DTD2: variants seen among roughly 807,000 people sequenced by gnomAD.
DTD2 encodes the protein D-tyrosyl-tRNA deacylase 2 (putative).
Under a neutral mutation model 15.5 loss-of-function variants are expected in DTD2, and 12 were observed. That is an observed-to-expected ratio of 0.77 (90% CI 0.50 to 1.25). The LOEUF (loss-of-function observed/expected upper bound fraction) is 1.25. Among genes scored for constraint, DTD2 ranks in the 50% most tolerant of loss-of-function variants. The pLI, the probability that DTD2 is intolerant of heterozygous loss-of-function variation, is 0.00. For missense variants in DTD2, 170 were observed against 201.1 expected, an observed-to-expected ratio of 0.85 and a Z score of 0.93; for synonymous variants, 59 against 77.3, an observed-to-expected ratio of 0.76 and a Z score of 1.24.
chr14:31,451,427 C>T (rs1219981157), intron 2 of DTD2, among the ~76,000 whole-genome samples: 1 of 150,678 alleles, frequency 6.6e-6, no homozygotes, highest in African/African-American at 2.4e-5. Flanking sequence ...GGATTACAGG[C>T]GTGAGCCACC....
At chr14:31,457,165 C>A (rs1349629799) in intron 1 of DTD2, 118 bp downstream of exon 1, 1 of 969,968 alleles carries the variant, frequency 1.0e-6, no homozygotes, top group Non-Finnish European at 1.5e-6. Context: ...GACCCGGTAT[C>A]CCCGCGGCCG....
At chr14:31,456,043 A>C (rs2032091536) in intron 1 of DTD2, among the ~76,000 whole-genome samples, 2 of 152,232 alleles carry the variant, frequency 1.3e-5, no homozygotes, top group Admixed American at 6.5e-5. Flanking sequence ...AGCACAGGGC[A>C]ACAGATTCTG....
chr14:31,451,684 C>A (rs1052224501), intron 2 of DTD2, among the ~76,000 whole-genome samples: 3 of 152,172 alleles, frequency 2.0e-5, no homozygotes, highest in Non-Finnish European at 4.4e-5. Context: ...TTTGTCTAAG[C>A]TCTTCCTCAT....
intron 2 of DTD2, 45 bp downstream of exon 2, chr14:31,453,230 G>A (rs757204483): frequency 5.1e-6 from 8 of 1,576,074 alleles, no homozygotes; most frequent in African/African-American, 4.0e-5. Flanking sequence ...TGAGCACCAT[G>A]CTTGGCCTCT....
At chr14:31,456,819 T>C (rs2032099303) in intron 1 of DTD2, among the ~76,000 whole-genome samples, 1 of 152,200 alleles carries the variant, frequency 6.6e-6, no homozygotes, top group Admixed American at 6.5e-5. Flanking sequence ...CTTCTTGAAA[T>C]AGAATTGTTT....
Position 31,448,137 on chromosome 14 carries a change from CAATT to C in DTD2, c.495_498del (p.Ile166SerfsTer19), listed in dbSNP as rs770047694. 5.6e-6 allele frequency: 9 copies of C among 1,602,422 alleles called. No homozygotes were observed. In the East Asian group the frequency reaches 8.9e-5, roughly 16 times the overall value. ...AAACTAGTTTTTCATTTTCAAAACT[CAATT>C]AAGTGTGTGAATGGTCCGTTGGTGT... On this transcript the variant is annotated frameshift_variant, in exon 3 of 3. Coordinates refer to ENST00000310850, the MANE Select transcript of DTD2 (RefSeq NM_080664.3). LOFTEE classifies it high-confidence loss of function.
intron 2 of DTD2, among the ~76,000 whole-genome samples, chr14:31,451,108 A>C (rs923238106): frequency 2.6e-5 from 4 of 151,982 alleles, no homozygotes; most frequent in Admixed American, 2.6e-4. Context: ...AGGATCTGAC[A>C]ATTATTCTCT....
At chr14:31,448,575 C>A in intron 2 of DTD2, 121 bp from the exon 3 acceptor site, 1 of 797,952 alleles carries the variant, frequency 1.3e-6, no homozygotes, top group Non-Finnish European at 1.9e-6. Flanking sequence ...GCCTCTAACC[C>A]AAAGTCTCTA....
chr14:31,457,347 T>C lies in DTD2; in HGVS notation c.47A>G (p.Gln16Arg), dbSNP rs1293454006. Residue 16 changes from glutamine to arginine, a missense_variant, in exon 1 of 3, where the codon CAG (glutamine) becomes CGG (arginine). Transcript: ENST00000310850. ...RIPQARALLQ[Q>R]CLHARLQIRP... ...AATTTGCAGCCGGGCGTGCAGGCAC[T>C]GCTGTAGGAGCGCCCGGGCCTGAGG... 1 of 1,594,030 alleles carries C rather than the reference T, an allele frequency of 6.3e-7. No individual in the cohort carries two copies. The highest frequency in any genetic ancestry group is 8.5e-7 in the Non-Finnish European group (1 of 1,172,112).
chr14:31,448,797 T>A (rs2031993955), intron 2 of DTD2, among the ~76,000 whole-genome samples: 1 of 152,240 alleles, frequency 6.6e-6, no homozygotes, highest in Non-Finnish European at 1.5e-5. Context: ...GATTTTACCT[T>A]CCTGTTCTTT....
At position 31,448,139 on chromosome 14, in the gene DTD2, A is replaced by G. The variant is rs754188973; in HGVS notation, c.497T>C (p.Ile166Thr). 1.1e-5 allele frequency: 17 copies of G among 1,604,064 alleles called. No individual in the cohort carries two copies. Among genetic ancestry groups the G allele is most frequent in the Middle Eastern group, 3.3e-4 (2 of 6,010 alleles). The change falls in exon 3 of 3, where the codon ATT (isoleucine) becomes ACT (threonine). Residue 166 changes from isoleucine to threonine, a missense_variant. Ile to Thr is a moderately conservative substitution (Grantham distance 89, BLOSUM62 -1). Transcript: ENST00000310850. ...ACTAGTTTTTCATTTTCAAAACTCAATTAAGTGTGTGAATGGTCCGTTGGT... is the reference window on the plus strand; with the variant it reads ...ACTAGTTTTTCATTTTCAAAACTCAGTTAAGTGTGTGAATGGTCCGTTGGT... ...LDTNGPFTHLIEF is the reference protein window; with the variant it reads ...LDTNGPFTHLTEF
At position 31,446,062 on chromosome 14, in the gene DTD2, C is replaced by G. The variant is rs1221036312; in HGVS notation, c.*2067G>C. 1 of 152,164 alleles carries G rather than the reference C, an allele frequency of 6.6e-6. No homozygotes were observed. The highest frequency in any genetic ancestry group is 1.5e-5 in the Non-Finnish European group (1 of 68,026). The allele number at this position is 152,164 out of a possible 1,614,324, so 9.4% of individuals were successfully genotyped here. A position where few individuals can be genotyped will look rare whatever the true frequency, so the allele number is the denominator to read the frequency against. On this transcript the variant is annotated 3_prime_UTR_variant, in exon 3 of 3. Coordinates refer to ENST00000310850, the MANE Select transcript of DTD2 (RefSeq NM_080664.3). ...TTGCAAGTTTATGAATAGTTTATTA[C>G]ATTTCAGTAAGTGTATTGTGAATCA...
chr14:31,451,584 T>C (rs2032035821), intron 2 of DTD2, among the ~76,000 whole-genome samples: 1 of 152,186 alleles, frequency 6.6e-6, no homozygotes, highest in South Asian at 2.1e-4. Context: ...TCACCTAGCA[T>C]AGTCTCTTAA....
intron 2 of DTD2, chr14:31,452,285 T>A (rs2032044478): frequency 6.6e-6 from 1 of 152,248 alleles, no homozygotes; most frequent in Non-Finnish European, 1.5e-5. Context: ...ATCTACTGCC[T>A]CTGTTAGGGG....
chr14:31,457,373 A>C lies in DTD2; in HGVS notation c.21T>G (p.Ile7Met). The C allele has an allele frequency of 6.4e-7, 1 of 1,564,928 alleles. No individual in the cohort carries two copies. Among genetic ancestry groups the C allele is most frequent in the Non-Finnish European group, 8.7e-7 (1 of 1,155,678 alleles). ...GCTGTAGGAGCGCCCGGGCCTGAGGAATCCGGCTACCCTCAGCCATGGCTT... is the reference window on the plus strand; with the variant it reads ...GCTGTAGGAGCGCCCGGGCCTGAGGCATCCGGCTACCCTCAGCCATGGCTT... The part of the protein sequence containing the change: MAEGSR[I>M]PQARALLQQC... The change falls in exon 1 of 3, where the codon ATT becomes ATG. Residue 7 changes from isoleucine (I) to methionine (M), a missense_variant. By Grantham distance (10) the Ile-to-Met change is conservative (BLOSUM62 1). Coordinates refer to ENST00000310850, the MANE Select transcript of DTD2 (RefSeq NM_080664.3).
At chr14:31,448,994 A>G (rs1338517624) in intron 2 of DTD2, among the ~76,000 whole-genome samples, 2 of 150,960 alleles carry the variant, frequency 1.3e-5, no homozygotes, top group Non-Finnish European at 2.9e-5. Flanking sequence ...CCTGGGTTCA[A>G]GCGATTCTCC....
Position 31,448,211 on chromosome 14 carries a change from A to G in DTD2, c.425T>C (p.Val142Ala), listed in dbSNP as rs2031985402. ...ANSKCAEARVVVEHGTYGNRQ... is the reference protein window; with the variant it reads ...ANSKCAEARVAVEHGTYGNRQ... ...GTTCCCATAAGTGCCATGTTCCACTACAACCCTAGCTTCAGCACACTTGCT... is the reference window on the plus strand; with the variant it reads ...GTTCCCATAAGTGCCATGTTCCACTGCAACCCTAGCTTCAGCACACTTGCT... The change falls in exon 3 of 3, where the codon GTA becomes GCA. Residue 142 changes from valine to alanine, a missense_variant. Coordinates refer to ENST00000310850, the MANE Select transcript of DTD2 (RefSeq NM_080664.3). 6.2e-7 allele frequency: 1 copy of G among 1,614,198 alleles called. No homozygotes were observed. Among genetic ancestry groups the G allele is most frequent in the Non-Finnish European group, 8.5e-7 (1 of 1,180,034 alleles).
rs1010313352 is a variant in DTD2, at chr14:31,446,708, T to C, written c.*1421A>G. On this transcript the variant is annotated 3_prime_UTR_variant, in exon 3 of 3. Coordinates refer to ENST00000310850, the MANE Select transcript of DTD2 (RefSeq NM_080664.3). ...ATTAATAAGGGCTTCAACATATAAATTTTGGGGACGGGAACATCTAGTCCA... is the reference window on the plus strand; with the variant it reads ...ATTAATAAGGGCTTCAACATATAAACTTTGGGGACGGGAACATCTAGTCCA... 2 of 152,184 alleles carry C rather than the reference T, an allele frequency of 1.3e-5. No individual in the cohort carries two copies. The highest frequency in any genetic ancestry group is 1.3e-4 in the Admixed American group (2 of 15,270). 9.4% of individuals were successfully genotyped at this position (152,184 alleles called of 1,614,324 possible).
chr14:31,456,258 C>T (rs1007917346), intron 1 of DTD2, among the ~76,000 whole-genome samples: 1 of 152,168 alleles, frequency 6.6e-6, no homozygotes, highest in East Asian at 1.9e-4. Flanking sequence ...TGGTAGCTTG[C>T]GCCTGTTGTC....
Sources: gnomAD v4.1 joint callset for allele counts (sites outside exome capture counted in the v4.1 genomes callset) on GRCh38, gnomAD v4.1.1 for gene constraint, MANE v1.5 for transcripts, NCBI Gene and HGNC (gene_info 2026-07-23, HGNC 2026-07-21) for gene names.